Variants in PHLDB1 observed in about 807,000 individuals in gnomAD.
PHLDB1 encodes the protein pleckstrin homology like domain family B member 1.
Under a neutral mutation model 139.3 loss-of-function variants are expected in PHLDB1, and 65 were observed. That is an observed-to-expected ratio of 0.47 (90% CI 0.38 to 0.57). The LOEUF (loss-of-function observed/expected upper bound fraction) is 0.57, where lower values mean the gene tolerates loss of function less well. Among genes scored for constraint, PHLDB1 ranks in the 20% least tolerant of loss-of-function variants. The pLI is 0.00. For missense variants in PHLDB1, 1,624 were observed against 1,839.7 expected, an observed-to-expected ratio of 0.88 and a Z score of 2.14; for synonymous variants, 679 against 734.5, an observed-to-expected ratio of 0.92 and a Z score of 1.22.
chr11:118,650,947 A>C lies in PHLDB1; in HGVS notation c.3874+400A>C. 4.7e-6 allele frequency: 1 copy of C among 213,612 alleles called. No homozygotes were observed. Among genetic ancestry groups the C allele is most frequent in the Non-Finnish European group, 9.5e-6 (1 of 105,480 alleles). 13.2% of individuals were successfully genotyped at this position (213,612 alleles called of 1,614,324 possible). ...TCTTATGGTCAGAGTTGGGCTGGGA[A>C]CTCCCCCTTGGACAAATTCCATCAG... On this transcript the variant is annotated intron_variant, in intron 20 of 22. Coordinates refer to ENST00000600882, the MANE Select transcript of PHLDB1 (RefSeq NM_001144758.3). The surrounding 1 kb of genome is among the most constrained non-coding windows in gnomAD (Gnocchi z 4.7).
chr11:118,632,267 G>A lies in PHLDB1; in HGVS notation c.2350G>A (p.Glu784Lys). The change falls in exon 9 of 23, where the codon GAG becomes AAG. Residue 784 changes from glutamate (E) to lysine (K), a missense_variant. Physicochemically the swap from Glu to Lys is moderately conservative, Grantham distance 56. Transcript: ENST00000600882. The surrounding 1 kb of genome is among the most constrained non-coding windows in gnomAD (Gnocchi z 5.9). ...GCTGCAGGAGAAGCTGGTGGCCTTG[G>A]AGACAGGCATCCAGAAGGAGAGGGA... The part of the protein sequence containing the change: ...DQLQEKLVAL[E>K]TGIQKERDKE... 1 of 1,613,348 alleles carries A rather than the reference G, an allele frequency of 6.2e-7. No individual in the cohort carries two copies.
At chr11:118,615,266 C>T (rs1555088083) in intron 3 of PHLDB1, 1 of 147,272 alleles carries the variant, frequency 6.8e-6, no homozygotes, top group Non-Finnish European at 1.5e-5. Context: ...AACAGGAGAA[C>T]ACATTGCTCT....
In PHLDB1 at chr11:118,638,987, C is replaced by T. The variant is rs1555117851; in HGVS notation, c.2632C>T (p.Gln878Ter). 3 of 1,612,898 alleles carry T rather than the reference C, an allele frequency of 1.9e-6. No individual in the cohort carries two copies. The highest frequency in any genetic ancestry group is 1.7e-5 in the Admixed American group (1 of 59,910). Residue 878 changes from glutamine (Q) to a stop codon, truncating the protein, a stop_gained, in exon 11 of 23, where the codon CAG becomes TAG. Transcript: ENST00000600882. LOFTEE classifies it high-confidence loss of function. ...GGCCCGGGACAAGAATGCCTCCTTA[C>T]AGCTGCTGCAAAAGGTAGGGTCCCT... Reference protein sequence around the residue: ...RLARDKNASLQLLQKEKEKLT... With the variant: ...RLARDKNASL
intron 6 of PHLDB1, among the ~76,000 whole-genome samples, chr11:118,629,457 C>G (rs571001): frequency 4.6e-5 from 7 of 151,770 alleles, no homozygotes; most frequent in Non-Finnish European, 1.0e-4. Context: ...TGTACACAGT[C>G]GAGCCCATGT....
At chr11:118,651,831 C>T (rs544007) in intron 20 of PHLDB1, 1 of 151,602 alleles carries the variant, frequency 6.6e-6, no homozygotes, top group Admixed American at 6.6e-5. Context: ...AAGTACTAGG[C>T]TTCCTTATGC....
intron 5 of PHLDB1, chr11:118,627,056 T>C: frequency 1.8e-6 from 1 of 546,100 alleles, no homozygotes; most frequent in Non-Finnish European, 3.2e-6. Flanking sequence ...CATTGTTAAC[T>C]GTTTTAAGTC....
Position 118,607,681 on chromosome 11 carries a change from G to GC in PHLDB1, c.-30dup, listed in dbSNP as rs147562993. 49,313 of 135,334 alleles carry GC rather than the reference G, an allele frequency of 0.36. 9,375 individuals are homozygous for GC. The highest frequency in any genetic ancestry group is 0.46 in the African/African-American group (15,795 of 34,132). 8.4% of individuals were successfully genotyped at this position (135,334 alleles called of 1,614,324 possible). A position where few individuals can be genotyped will look rare whatever the true frequency, so the allele number is the denominator to read the frequency against. On this transcript the variant is annotated 5_prime_UTR_variant, in exon 1 of 23. Transcript: ENST00000600882. ...CAGGCTAAGGGACCAGTGTCTCCCT[G>GC]CCCCCCCCCCACCTCTAGGTAAGAG...
Position 118,610,416 on chromosome 11 carries a change from G to A in PHLDB1, c.-22+2717G>A, listed in dbSNP as rs1939926754. 2 of 984,298 alleles carry A rather than the reference G, an allele frequency of 2.0e-6. No individual in the cohort carries two copies. The highest frequency in any genetic ancestry group is 2.4e-6 in the Non-Finnish European group (2 of 828,866). The allele number at this position is 984,298 out of a possible 1,614,324, so 61.0% of individuals were successfully genotyped here. On this transcript the variant is annotated intron_variant, in intron 1 of 22. Coordinates refer to ENST00000600882, the MANE Select transcript of PHLDB1 (RefSeq NM_001144758.3). This position sits in a 1 kb window ranked among gnomAD's most constrained non-coding sequence, Gnocchi z 8.7. ...GGCCCTTTCTCGAGGGCGGATGTGC[G>A]CCTGGAGGGCGAAGGCGGCGGCCGA...
chr11:118,644,711 G>A lies in PHLDB1; in HGVS notation c.3121+537G>A, dbSNP rs782370564. ...CAGCAGGTAGAACGTTGGTCATAGA[G>A]GGCATTGCTTTGGCCAGGCAGCCCC... is the stretch of plus-strand genomic sequence containing the variant. On this transcript the variant is annotated intron_variant, in intron 15 of 22. Transcript: ENST00000600882. 5.4e-6 allele frequency: 7 copies of A among 1,287,214 alleles called. No homozygotes were observed. In the South Asian group the frequency reaches 8.6e-5, roughly 16 times the overall value. The allele number at this position is 1,287,214 out of a possible 1,614,324, so 79.7% of individuals were successfully genotyped here. A position where few individuals can be genotyped will look rare whatever the true frequency, so the allele number is the denominator to read the frequency against.
intron 6 of PHLDB1, among the ~76,000 whole-genome samples, chr11:118,630,845 TG>T (rs1174419947): frequency 6.6e-6 from 1 of 152,012 alleles, no homozygotes; most frequent in Non-Finnish European, 1.5e-5. Context: ...AGTGTGTTTC[TG>T]TATGTGTTTA....
rs534263274 is a variant in PHLDB1 at position 118,608,807 on chromosome 11, C to T, written c.-22+1108C>T. 1.6e-4 allele frequency among the ~76,000 whole-genome samples: 24 copies of T among 152,234 alleles called. No individual in the cohort carries two copies. In the South Asian group the frequency reaches 4.6e-3, roughly 29 times the overall value. Reference sequence around the variant, plus strand: ...GCCTTCCCACGCACTCCATGCCTTACGCCTCACAGGAAAGCGCCCCGCGCT... The same window carrying T: ...GCCTTCCCACGCACTCCATGCCTTATGCCTCACAGGAAAGCGCCCCGCGCT... On this transcript the variant is annotated intron_variant, in intron 1 of 22. Coordinates refer to ENST00000600882, the MANE Select transcript of PHLDB1 (RefSeq NM_001144758.3). The surrounding 1 kb of genome is among the most constrained non-coding windows in gnomAD (Gnocchi z 6.7).
intron 9 of PHLDB1, chr11:118,634,941 G>A: frequency 4.4e-6 from 2 of 455,264 alleles, no homozygotes; most frequent in South Asian, 3.1e-5. Context: ...GGAGCTGGCC[G>A]CGGGACGGAG....
intron 4 of PHLDB1, among the ~76,000 whole-genome samples, chr11:118,619,566 C>T (rs782413601): frequency 6.6e-6 from 1 of 152,226 alleles, no homozygotes; most frequent in African/African-American, 2.4e-5. Flanking sequence ...GTGTCTGCCT[C>T]CTGCCCTATT....
chr11:118,609,915 G>T (rs778122007), intron 1 of PHLDB1, among the ~76,000 whole-genome samples: 2 of 150,642 alleles, frequency 1.3e-5, no homozygotes, highest in Non-Finnish European at 3.0e-5. Flanking sequence ...CGCTCCATCC[G>T]CGCTCTCCCG....
At chr11:118,616,503 G>A (rs528007107) in intron 4 of PHLDB1, among the ~76,000 whole-genome samples, 4 of 152,164 alleles carry the variant, frequency 2.6e-5, no homozygotes, top group Non-Finnish European at 5.9e-5. Flanking sequence ...GCATGATGGC[G>A]TTGTTAATGG....
At chr11:118,606,937 G>A (rs1468465828), upstream of PHLDB1, among the ~76,000 whole-genome samples, 1 of 152,146 alleles carries the variant, frequency 6.6e-6, no homozygotes, top group Non-Finnish European at 1.5e-5. Flanking sequence ...CGGTTTTCCT[G>A]TGCTTTGGAG....
chr11:118,641,826 G>T, intron 12 of PHLDB1: 1 of 1,254,618 alleles, frequency 8.0e-7, no homozygotes, highest in Non-Finnish European at 1.0e-6. Context: ...CCCATGACTG[G>T]TGTGCTCTGT....
chr11:118,639,546 GC>G, intron 12 of PHLDB1: 1 of 501,808 alleles, frequency 2.0e-6, no homozygotes, highest in Non-Finnish European at 3.6e-6. Context: ...CAGCTCAGAG[GC>G]TTGGTAGGGG....
At chr11:118,616,803 G>T (rs1436198487) in intron 4 of PHLDB1, among the ~76,000 whole-genome samples, 2 of 152,198 alleles carry the variant, frequency 1.3e-5, no homozygotes, top group Non-Finnish European at 2.9e-5. Context: ...CCAGCACTTT[G>T]GTAGGCCGAG....
Sources: allele counts gnomAD v4.1 joint callset (sites outside exome capture counted in the v4.1 genomes callset), GRCh38; gene constraint gnomAD v4.1.1; non-coding constraint Gnocchi (gnomAD v3.1); transcripts MANE v1.5; gene names NCBI Gene and HGNC (gene_info 2026-07-23, HGNC 2026-07-21).